The following PTK2 variants were observed in gnomAD, a reference collection of about 807,000 sequenced individuals.
PTK2 encodes protein tyrosine kinase 2.
A neutral mutation model predicts 150.1 loss-of-function variants in PTK2; 45 were observed. That is an observed-to-expected ratio of 0.30 (90% CI 0.24 to 0.38). The LOEUF (loss-of-function observed/expected upper bound fraction) is 0.38, where lower values mean the gene tolerates loss of function less well. Among genes scored for constraint, PTK2 ranks in the 10% least tolerant of loss-of-function variants. The pLI is 1.00. For missense variants in PTK2, 919 were observed against 1,307.3 expected (o/e 0.70, Z 4.58); for synonymous variants, 432 against 449.2 (o/e 0.96, Z 0.48).
At chr8:140,806,249 C>T (rs1357462947) in intron 10 of PTK2, among the ~76,000 whole-genome samples, 1 of 152,128 alleles carries the variant, frequency 6.6e-6, no homozygotes, top group East Asian at 1.9e-4. Context: ...CAAGGGAATC[C>T]TATACTATGC....
chr8:140,889,713 T>C (rs2100153597), intron 3 of PTK2, among the ~76,000 whole-genome samples: 1 of 151,742 alleles, frequency 6.6e-6, no homozygotes, highest in Non-Finnish European at 1.5e-5. Flanking sequence ...AAGATGAATA[T>C]AGACTAGGTG....
chr8:140,827,788 G>A (rs2100112732), intron 8 of PTK2, among the ~76,000 whole-genome samples: 2 of 152,160 alleles, frequency 1.3e-5, no homozygotes, highest in Admixed American at 6.5e-5. Flanking sequence ...AGTGGAGACA[G>A]CAACAGATAT....
intron 17 of PTK2, among the ~76,000 whole-genome samples, chr8:140,747,424 GGAGGAGGAGGAGAAGAAAGGGGGGGGGAA>G: frequency 1.1e-5 from 1 of 88,448 alleles, no homozygotes. Flanking sequence ...AGAAGGAAGG[GGAGGAGGAGGAGAAGAAAGGGGGGGGGAA>G]GAGGAGGAGG....
At chr8:140,753,685 T>C (rs746525163) in intron 16 of PTK2, among the ~76,000 whole-genome samples, 5 of 152,246 alleles carry the variant, frequency 3.3e-5, no homozygotes, top group South Asian at 4.1e-4. Context: ...ACACTTACTA[T>C]TGTCTTTCAC....
At chr8:140,709,381 A>G (rs1478220948) in intron 23 of PTK2, among the ~76,000 whole-genome samples, 1 of 152,264 alleles carries the variant, frequency 6.6e-6, no homozygotes, top group Non-Finnish European at 1.5e-5. Flanking sequence ...GATAGACAAA[A>G]TATTTGCACA....
intron 1 of PTK2, among the ~76,000 whole-genome samples, chr8:140,952,450 T>C (rs941954782): frequency 6.6e-6 from 1 of 152,216 alleles, no homozygotes; most frequent in African/African-American, 2.4e-5. Flanking sequence ...CCCAGACTTC[T>C]AGGCCTTGCA....
chr8:140,889,025 T>C (rs1272935694), intron 3 of PTK2, among the ~76,000 whole-genome samples: 1 of 152,090 alleles, frequency 6.6e-6, no homozygotes, highest in African/African-American at 2.4e-5. Flanking sequence ...AATGACAGTG[T>C]TTTATAAAGT....
At chr8:140,881,716 T>C (rs1485468654) in intron 3 of PTK2, among the ~76,000 whole-genome samples, 2 of 152,216 alleles carry the variant, frequency 1.3e-5, no homozygotes, top group Non-Finnish European at 2.9e-5. Context: ...AAAGCCCAGC[T>C]TCTCCAGTTG....
chr8:140,745,531 AGATGTTCAGCT>A (rs1359605728), intron 18 of PTK2, among the ~76,000 whole-genome samples: 1 of 152,178 alleles, frequency 6.6e-6, no homozygotes, highest in African/African-American at 2.4e-5. Flanking sequence ...GAGGAGGAAG[AGATGTTCAGCT>A]GATGAAATCA....
At chr8:140,719,916 C>CAAAAAAA (rs1273294274) in intron 22 of PTK2, among the ~76,000 whole-genome samples, 1 of 118,222 alleles carries the variant, frequency 8.5e-6, no homozygotes. Flanking sequence ...AAAAAAAAAT[C>CAAAAAAA]AAAAACAACA....
chr8:140,866,480 C>T (rs2100139365), intron 4 of PTK2, among the ~76,000 whole-genome samples: 2 of 152,146 alleles, frequency 1.3e-5, no homozygotes, highest in South Asian at 4.1e-4. Context: ...GGAACATGGG[C>T]TCTAGATAAA....
chr8:140,739,207 T>C, intron 20 of PTK2, 100 bp from the exon 24 acceptor site: 1 of 714,352 alleles, frequency 1.4e-6, no homozygotes, highest in Non-Finnish European at 2.1e-6. Flanking sequence ...AAGCTTTAAC[T>C]ATTTGAACCC....
chr8:140,847,235 C>T (rs1258043445), intron 5 of PTK2, among the ~76,000 whole-genome samples: 1 of 152,190 alleles, frequency 6.6e-6, no homozygotes, highest in Admixed American at 6.5e-5. Context: ...GATTTACGTA[C>T]TTCAAAATCC....
At chr8:140,735,621 G>A (rs972000833) in intron 21 of PTK2, among the ~76,000 whole-genome samples, 166 bp from the exon 25 acceptor site, 2 of 152,068 alleles carry the variant, frequency 1.3e-5, no homozygotes, top group African/African-American at 4.8e-5. Context: ...ATAACCTAAC[G>A]ATTTAACATG....
At chr8:140,960,452 C>T (rs566270603) in intron 1 of PTK2, among the ~76,000 whole-genome samples, 8 of 152,106 alleles carry the variant, frequency 5.3e-5, no homozygotes, top group Non-Finnish European at 8.8e-5. Context: ...TCAAATGATA[C>T]GCCCACCTCG....
intron 29 of PTK2, among the ~76,000 whole-genome samples, chr8:140,670,532 C>G: frequency 8.3e-6 from 1 of 120,606 alleles, no homozygotes; most frequent in Non-Finnish European, 1.8e-5. Context: ...CACACACACA[C>G]ACACACATTG....
chr8:140,675,385 G>C, intron 28 of PTK2, 75 bp downstream of exon 31: 1 of 1,491,436 alleles, frequency 6.7e-7, no homozygotes, highest in Non-Finnish European at 9.3e-7. Flanking sequence ...CCAAAGCTAC[G>C]ACACTATATA....
chr8:140,689,281 A>G (rs934728949), intron 26 of PTK2, among the ~76,000 whole-genome samples: 8 of 152,234 alleles, frequency 5.3e-5, no homozygotes, highest in Non-Finnish European at 1.2e-4. Context: ...TATGCTTAAG[A>G]AAAAATATTC....
chr8:140,830,286 G>A (rs1034252716), intron 8 of PTK2, among the ~76,000 whole-genome samples, 186 bp downstream of exon 8: 5 of 152,166 alleles, frequency 3.3e-5, no homozygotes, highest in Non-Finnish European at 7.3e-5. Flanking sequence ...ATGTTTTATG[G>A]GAGAAAGCTA....
Sources: gnomAD v4.1 joint callset for allele counts (sites outside exome capture counted in the v4.1 genomes callset) on GRCh38, gnomAD v4.1.1 for gene constraint, MANE v1.5 for transcripts, NCBI Gene and HGNC (gene_info 2026-07-23, HGNC 2026-07-21) for gene names.